The following PCDHA10 variants were observed in gnomAD, a reference collection of about 807,000 sequenced individuals.
PCDHA10 encodes protocadherin alpha-10.
Under a neutral mutation model 61.2 loss-of-function variants are expected in PCDHA10, and 45 were observed. That is an observed-to-expected ratio of 0.74 (90% CI 0.58 to 0.94). The LOEUF is 0.94. PCDHA10 is among the 40% of genes least tolerant of loss of function. The pLI is 0.00. For missense variants in PCDHA10, 1,278 were observed against 1,236.2 expected, an observed-to-expected ratio of 1.03 and a Z score of -0.51; for synonymous variants, 602 against 548.8, an observed-to-expected ratio of 1.10 and a Z score of -1.35.
intron 1 of PCDHA10, chr5:140,877,370 C>G (rs781905172): frequency 6.2e-7 from 1 of 1,614,004 alleles, no homozygotes; most frequent in Admixed American, 1.7e-5. Context: ...GAGATCAGCA[C>G]GACACGCATC....
intron 1 of PCDHA10, chr5:140,876,094 C>A (rs782479233): frequency 3.1e-6 from 5 of 1,613,926 alleles, no homozygotes; most frequent in Non-Finnish European, 4.2e-6. Flanking sequence ...AACGCCAAAA[C>A]TCAATTTATT....
At chr5:140,969,180 C>T in intron 1 of PCDHA10, 1 of 1,614,110 alleles carries the variant, frequency 6.2e-7, no homozygotes, top group Non-Finnish European at 8.5e-7. Context: ...GGGAGTGACA[C>T]TTTCATGTTT....
At position 140,981,056 on chromosome 5, in the gene PCDHA10, G is replaced by A. The variant is rs571113984; in HGVS notation, c.2448-1419G>A. 1.5e-3 allele frequency among the ~76,000 whole-genome samples: 227 copies of A among 152,276 alleles called. 1 individual carries two copies. Among genetic ancestry groups the A allele is most frequent in the African/African-American group, 5.2e-3 (217 of 41,556 alleles). ...GGGAAAAAAAACAGATAATTCTAGA[G>A]TGTAGACAAGGGGAAGAATAGTAAA... On this transcript the variant is annotated intron_variant, in intron 2 of 3. Transcript: ENST00000307360.
At chr5:140,888,426 C>G (rs1315110358) in intron 1 of PCDHA10, among the ~76,000 whole-genome samples, 1 of 152,168 alleles carries the variant, frequency 6.6e-6, no homozygotes, top group Non-Finnish European at 1.5e-5. Flanking sequence ...CTACCGTGCA[C>G]AGGACAGCCG....
At position 141,011,612 on chromosome 5, in the gene PCDHA10, G is replaced by A. The variant is rs1031311936; in HGVS notation, c.*1675G>A. 11 of 153,524 alleles carry A rather than the reference G, an allele frequency of 7.2e-5. No individual in the cohort carries two copies. The highest frequency in any genetic ancestry group is 1.6e-4 in the Non-Finnish European group (11 of 67,990). 9.5% of individuals were successfully genotyped at this position (153,524 alleles called of 1,614,324 possible). A position where few individuals can be genotyped will look rare whatever the true frequency, so the allele number is the denominator to read the frequency against. On this transcript the variant is annotated 3_prime_UTR_variant, in exon 4 of 4. Coordinates refer to ENST00000307360, the MANE Select transcript of PCDHA10 (RefSeq NM_018901.4). ...TGGTGATTCAAGGAATTTTATTTAT[G>A]GTCCAGCCAAGAGCCATCTCGTGCC...
chr5:140,968,267 A>G, intron 1 of PCDHA10: 1 of 1,613,984 alleles, frequency 6.2e-7, no homozygotes, highest in Non-Finnish European at 8.5e-7. Flanking sequence ...TGAAAAGGAG[A>G]ATGCAGAGGT....
chr5:140,956,710 CAGA>C (rs1554222572), intron 1 of PCDHA10, among the ~76,000 whole-genome samples: 1 of 152,144 alleles, frequency 6.6e-6, no homozygotes, highest in Non-Finnish European at 1.5e-5. Flanking sequence ...GGAATAGCTT[CAGA>C]AGAATTGGTA....
chr5:140,924,876 C>G (rs1380631161), intron 1 of PCDHA10, among the ~76,000 whole-genome samples: 1 of 144,704 alleles, frequency 6.9e-6, no homozygotes, highest in Non-Finnish European at 1.5e-5. Flanking sequence ...GCCTGGGTGA[C>G]AGAGCAAGAA....
intron 1 of PCDHA10, among the ~76,000 whole-genome samples, chr5:140,918,603 A>G (rs2078773753): frequency 6.6e-6 from 1 of 152,252 alleles, no homozygotes; most frequent in African/African-American, 2.4e-5. Context: ...AGATGTTGCT[A>G]TGATATGAAT....
intron 1 of PCDHA10, chr5:140,862,802 T>C (rs1554156982): frequency 1.7e-6 from 1 of 577,736 alleles, no homozygotes; most frequent in Non-Finnish European, 3.3e-6. Flanking sequence ...GAGCTGGAGC[T>C]GCTGCAGTTC....
chr5:140,943,321 G>A (rs1012061757), intron 1 of PCDHA10, among the ~76,000 whole-genome samples: 4 of 150,454 alleles, frequency 2.7e-5, no homozygotes, highest in Non-Finnish European at 5.9e-5. Context: ...TAGCAATATT[G>A]TGTAGTATCC....
chr5:140,869,602 C>T (rs2051279273), intron 1 of PCDHA10: 2 of 1,613,922 alleles, frequency 1.2e-6, no homozygotes, highest in Non-Finnish European at 8.5e-7. Flanking sequence ...AGAGAATGCT[C>T]TATTGACCTA....
intron 1 of PCDHA10, among the ~76,000 whole-genome samples, chr5:140,891,266 T>G (rs1301781810): frequency 1.3e-5 from 2 of 152,188 alleles, no homozygotes; most frequent in Non-Finnish European, 2.9e-5. Context: ...ATTTTTAATT[T>G]TTCCGTAAGT....
chr5:140,925,641 T>TATAATAATA (rs10569930), intron 1 of PCDHA10, among the ~76,000 whole-genome samples: 4,530 of 143,294 alleles, frequency 0.032, 85 homozygotes, highest in Middle Eastern at 0.043. Flanking sequence ...GAACTTAAAG[T>TATAATAATA]ATAATAATAA....
chr5:140,873,739 C>A (rs571863406), intron 1 of PCDHA10, among the ~76,000 whole-genome samples: 1 of 152,294 alleles, frequency 6.6e-6, no homozygotes, highest in African/African-American at 2.4e-5. Flanking sequence ...CAGCTCACTG[C>A]AATCTCCACC....
chr5:140,914,377 G>C (rs2076685968), intron 1 of PCDHA10, among the ~76,000 whole-genome samples: 1 of 152,090 alleles, frequency 6.6e-6, no homozygotes, highest in Non-Finnish European at 1.5e-5. Flanking sequence ...TATTTTATCT[G>C]TTATAAGTGT....
intron 1 of PCDHA10, chr5:140,859,894 C>T (rs930000447): frequency 6.6e-6 from 1 of 151,852 alleles, no homozygotes; most frequent in Non-Finnish European, 1.5e-5. Context: ...GAAAAAAAAT[C>T]TTCCTTAATG....
intron 1 of PCDHA10, among the ~76,000 whole-genome samples, chr5:140,977,306 C>T (rs995052680): frequency 6.6e-6 from 1 of 152,150 alleles, no homozygotes; most frequent in African/African-American, 2.4e-5. Context: ...GACAAGCTAA[C>T]GATAGTGCTC....
chr5:140,944,871 C>T (rs1370417254), intron 1 of PCDHA10, among the ~76,000 whole-genome samples: 1 of 152,110 alleles, frequency 6.6e-6, no homozygotes, highest in Non-Finnish European at 1.5e-5. Flanking sequence ...ATCTTAACCA[C>T]CTACTCCACT....
Sources: allele counts gnomAD v4.1 joint callset (sites outside exome capture counted in the v4.1 genomes callset), GRCh38; gene constraint gnomAD v4.1.1; transcripts MANE v1.5; gene names NCBI Gene and HGNC (gene_info 2026-07-23, HGNC 2026-07-21).